The following CSAD variants were observed in gnomAD, a reference collection of about 807,000 sequenced individuals.
CSAD encodes the protein P-selectin cytoplasmic tail-associated protein.
A neutral mutation model predicts 61.5 loss-of-function variants in CSAD; 47 were observed. The ratio of observed to expected loss-of-function variants is 0.76; its 90% CI spans 0.60 to 0.97. The LOEUF (loss-of-function observed/expected upper bound fraction) is 0.97. Among genes scored for constraint, CSAD ranks in the 50% least tolerant of loss-of-function variants. CSAD has a pLI of 0.00. For synonymous variants in CSAD, 245 were observed against 252.7 expected, an observed-to-expected ratio of 0.97 and a Z score of 0.29; for missense variants, 611 against 643.6, an observed-to-expected ratio of 0.95 and a Z score of 0.55.
In CSAD at chr12:53,173,455, C is replaced by T; in HGVS notation, c.16G>A (p.Ala6Thr). The change falls in exon 4 of 17, where the codon GCA becomes ACA. Residue 6 changes from alanine (A) to threonine (T), a missense_variant. Physicochemically the swap from Ala to Thr is moderately conservative, Grantham distance 58. Coordinates refer to ENST00000444623, the MANE Select transcript of CSAD (RefSeq NM_001244705.2). ...GGGTCCCCAGCAAGGGAGGGGAGTGCTTCTGAGTCAGCCATCAGGATCTGT... is the reference window on the plus strand; with the variant it reads ...GGGTCCCCAGCAAGGGAGGGGAGTGTTTCTGAGTCAGCCATCAGGATCTGT... The part of the protein sequence containing the change: MADSE[A>T]LPSLAGDPVA... 1 of 1,614,198 alleles carries T rather than the reference C, an allele frequency of 6.2e-7. No individual in the cohort carries two copies. The highest frequency in any genetic ancestry group is 1.1e-5 in the South Asian group (1 of 91,090).
chr12:53,169,759 C>T (rs1178248499), intron 10 of CSAD, among the ~76,000 whole-genome samples: 2 of 151,982 alleles, frequency 1.3e-5, no homozygotes, highest in East Asian at 1.9e-4. Context: ...CCTCTCCCTG[C>T]GCAGACCCTC....
intron 10 of CSAD, among the ~76,000 whole-genome samples, chr12:53,168,941 A>G (rs1053073641): frequency 1.8e-4 from 27 of 152,126 alleles, no homozygotes; most frequent in Non-Finnish European, 3.5e-4. Flanking sequence ...GCACTTTGGG[A>G]GGCCGAAGCA....
intron 10 of CSAD, among the ~76,000 whole-genome samples, chr12:53,167,696 C>T (rs1940091131): frequency 6.6e-6 from 1 of 152,176 alleles, no homozygotes; most frequent in Non-Finnish European, 1.5e-5. Context: ...TTCACACCCA[C>T]TAAGTGGTAT....
chr12:53,171,528 T>C (rs1379479200), intron 7 of CSAD, 87 bp from the exon 8 acceptor site: 2 of 1,322,522 alleles, frequency 1.5e-6, no homozygotes, highest in East Asian at 4.7e-5. Flanking sequence ...CCAGAAGAGC[T>C]CATCAAAGAA....
intron 2 of CSAD, among the ~76,000 whole-genome samples, chr12:53,174,978 C>T (rs1048560188): frequency 2.6e-5 from 4 of 152,182 alleles, no homozygotes; most frequent in Admixed American, 1.3e-4. Flanking sequence ...AACCCCTCAA[C>T]CCCCGCTGGC....
At chr12:53,173,524 G>T in intron 3 of CSAD, 48 bp from the exon 4 acceptor site, 1 of 1,613,358 alleles carries the variant, frequency 6.2e-7, no homozygotes, top group South Asian at 1.1e-5. Flanking sequence ...AACCCTTCCC[G>T]GACCTACCCA....
At chr12:53,168,465 T>A (rs1181029696) in intron 10 of CSAD, among the ~76,000 whole-genome samples, 4 of 152,206 alleles carry the variant, frequency 2.6e-5, no homozygotes, top group African/African-American at 9.7e-5. Flanking sequence ...TTGCTGCCCT[T>A]ACTGCTACTC....
rs201803491 is a variant in CSAD at position 53,159,603 on chromosome 12, G to T, written c.1308+20C>A. ...GCATCAGCTCCCTAACGGGTAAAGA[G>T]AGCAGCACAGCACGCCTACCTTTGA... On this transcript the variant is annotated intron_variant, in intron 16 of 16. Transcript: ENST00000444623. 10 of 1,600,976 alleles carry T rather than the reference G, an allele frequency of 6.2e-6. No homozygotes were observed. In the Admixed American group the frequency reaches 1.7e-4, roughly 27 times the overall value.
intron 2 of CSAD, among the ~76,000 whole-genome samples, chr12:53,174,355 GA>G (rs1458376502): frequency 6.6e-6 from 1 of 150,814 alleles, no homozygotes; most frequent in East Asian, 1.9e-4. Flanking sequence ...GAAGGAAAAA[GA>G]CTTCAAAATA....
intron 4 of CSAD, 41 bp from the exon 5 acceptor site, chr12:53,172,689 G>A (rs1162924832): frequency 6.3e-7 from 1 of 1,574,892 alleles, no homozygotes; most frequent in Non-Finnish European, 8.6e-7. Flanking sequence ...TGGGATGCCT[G>A]TGGACTGGCT....
intron 10 of CSAD, among the ~76,000 whole-genome samples, chr12:53,161,802 TTTTG>T (rs1939316320): frequency 6.7e-6 from 1 of 149,028 alleles, no homozygotes; most frequent in South Asian, 2.1e-4. Flanking sequence ...AAAAAAATTT[TTTTG>T]TTTAATTAGC....
chr12:53,161,245 C>T lies in CSAD; in HGVS notation c.819+28G>A, dbSNP rs570022215. On this transcript the variant is annotated intron_variant, in intron 11 of 16. Coordinates refer to ENST00000444623, the MANE Select transcript of CSAD (RefSeq NM_001244705.2). The stretch of plus-strand genomic sequence containing the variant: ...TTGGCCTTGGCTCAGCCCACCCCAC[C>T]GCACCCCCAAGCCGAAGTCCCACTC... The T allele has an allele frequency of 5.6e-6, 9 of 1,613,538 alleles. No individual in the cohort carries two copies. The Admixed American group carries it at 8.3e-5, about 15-fold the overall frequency.
At position 53,172,519 on chromosome 12, in the gene CSAD, C is replaced by T. The variant is rs1449189165; in HGVS notation, c.253+3G>A. On this transcript the variant is annotated splice_donor_region_variant and intron_variant, in intron 5 of 16. Coordinates refer to ENST00000444623, the MANE Select transcript of CSAD (RefSeq NM_001244705.2). The stretch of plus-strand genomic sequence containing the variant: ...TCTCCTCCTCACAGAAGCCAGGGCC[C>T]ACCAGTCTTGACACTGTAGCGAATC... 1 of 1,614,150 alleles carries T rather than the reference C, an allele frequency of 6.2e-7. No homozygotes were observed. The highest frequency in any genetic ancestry group is 1.7e-5 in the Admixed American group (1 of 60,016).
Position 53,171,940 on chromosome 12 carries a change from C to A in CSAD, c.393G>T (p.Val131=), listed in dbSNP as rs761722516. 4.3e-6 allele frequency: 7 copies of A among 1,614,000 alleles called. No homozygotes were observed. Among genetic ancestry groups the A allele is most frequent in the Non-Finnish European group, 5.1e-6 (6 of 1,180,006 alleles). ...APVFVLMEEE[V]LRKLRALVGW... ...CCACCAGGGCCCGCAGTTTCCTCAG[C>A]ACCTCCTCTTCCATGAGCACAAACA... Residue 131 remains valine, a synonymous_variant, in exon 7 of 17, where the codon GTG becomes GTT. Transcript: ENST00000444623.
At position 53,158,049 on chromosome 12, in the gene CSAD, ACT is replaced by A. The variant is rs1938754058; in HGVS notation, c.*460_*461del. Reference sequence around the variant, plus strand: ...TAGACATACTGTAATTTATTTAAACACTCTCCTAAAATCAAATATTTAGTTAG... The same window carrying A: ...TAGACATACTGTAATTTATTTAAACACTCCTAAAATCAAATATTTAGTTAG... On this transcript the variant is annotated 3_prime_UTR_variant, in exon 17 of 17. Transcript: ENST00000444623. The A allele has an allele frequency of 6.6e-6, 1 of 152,354 alleles. No homozygotes were observed. The highest frequency in any genetic ancestry group is 1.5e-5 in the Non-Finnish European group (1 of 68,180). 9.4% of individuals were successfully genotyped at this position (152,354 alleles called of 1,614,324 possible).
chr12:53,171,503 T>A (rs990904504), intron 7 of CSAD, 62 bp from the exon 8 acceptor site: 2 of 1,507,720 alleles, frequency 1.3e-6, no homozygotes, highest in African/African-American at 2.8e-5. Flanking sequence ...GGAGCTTGCC[T>A]CCCTTCCCTT....
chr12:53,172,091 G>T, intron 6 of CSAD, 103 bp from the exon 7 acceptor site: 1 of 822,074 alleles, frequency 1.2e-6, no homozygotes, highest in Non-Finnish European at 2.0e-6. Flanking sequence ...TGAAGAGTGA[G>T]CAAAGCAACA....
intron 16 of CSAD, among the ~76,000 whole-genome samples, chr12:53,159,122 C>T (rs534517056): frequency 3.9e-5 from 6 of 152,306 alleles, no homozygotes; most frequent in African/African-American, 1.4e-4. Flanking sequence ...GAACACATTG[C>T]TTCCAAGTAG....
chr12:53,174,424 A>T (rs2121516335), intron 2 of CSAD, among the ~76,000 whole-genome samples: 1 of 152,330 alleles, frequency 6.6e-6, no homozygotes, highest in Non-Finnish European at 1.5e-5. Context: ...TATTATTTAT[A>T]CACATCTATA....
Sources: allele counts gnomAD v4.1 joint callset (sites outside exome capture counted in the v4.1 genomes callset), GRCh38; gene constraint gnomAD v4.1.1; transcripts MANE v1.5; gene names NCBI Gene and HGNC (gene_info 2026-07-23, HGNC 2026-07-21).